Variants in ZFPM2 observed in about 807,000 individuals in gnomAD.
ZFPM2 encodes the protein zinc finger protein ZFPM2.
In ZFPM2, 20 loss-of-function variants were observed where a neutral mutation model predicts 98.6. The ratio of observed to expected loss-of-function variants is 0.20; its 90% CI spans 0.14 to 0.29. ZFPM2 has a LOEUF of 0.29. ZFPM2 is among the 10% of genes least tolerant of loss of function. ZFPM2 has a pLI of 1.00. For missense variants in ZFPM2, 1,310 were observed against 1,388.6 expected, an observed-to-expected ratio of 0.94 and a Z score of 0.90; for synonymous variants, 518 against 502.7, an observed-to-expected ratio of 1.03 and a Z score of -0.41.
intron 2 of ZFPM2, among the ~76,000 whole-genome samples, chr8:105,431,420 A>G (rs777127852): frequency 6.6e-6 from 1 of 152,228 alleles, no homozygotes; most frequent in Non-Finnish European, 1.5e-5. Flanking sequence ...GCGTTAGCTA[A>G]TCCAGTAAAT....
chr8:105,797,367 G>T (rs1287352687), intron 6 of ZFPM2: 1 of 152,146 alleles, frequency 6.6e-6, no homozygotes, highest in Non-Finnish European at 1.5e-5. Context: ...TTCCCTTAGA[G>T]TACTGCAGTT....
chr8:105,458,740 CA>C (rs1227895517), intron 3 of ZFPM2, among the ~76,000 whole-genome samples: 3 of 151,778 alleles, frequency 2.0e-5, no homozygotes, highest in Non-Finnish European at 4.4e-5. Context: ...AAAAGCAAGC[CA>C]AAAGAAAAGA....
chr8:105,527,598 T>C (rs959240151), intron 3 of ZFPM2, among the ~76,000 whole-genome samples: 2 of 152,222 alleles, frequency 1.3e-5, no homozygotes, highest in Non-Finnish European at 2.9e-5. Context: ...AATGCCCTTT[T>C]TGTAGGCTTT....
chr8:105,787,870 C>T (rs769550895), intron 5 of ZFPM2, among the ~76,000 whole-genome samples: 7 of 152,104 alleles, frequency 4.6e-5, no homozygotes, highest in South Asian at 2.1e-4. Flanking sequence ...GTTAAATAAA[C>T]GAGCATTCGC....
intron 5 of ZFPM2, among the ~76,000 whole-genome samples, chr8:105,763,932 A>G (rs1563553775): frequency 6.6e-6 from 1 of 151,880 alleles, no homozygotes; most frequent in Non-Finnish European, 1.5e-5. Context: ...GCAGCCAATT[A>G]GCATAGCAGA....
chr8:105,596,188 T>C (rs1385909072), intron 4 of ZFPM2, among the ~76,000 whole-genome samples: 1 of 152,078 alleles, frequency 6.6e-6, no homozygotes, highest in South Asian at 2.1e-4. Context: ...AAAATATGTT[T>C]GGCTCTCTGA....
intron 5 of ZFPM2, among the ~76,000 whole-genome samples, chr8:105,644,852 C>A (rs887664336): frequency 1.8e-4 from 28 of 152,130 alleles, no homozygotes; most frequent in Admixed American, 7.9e-4. Flanking sequence ...GAGAGCTCCA[C>A]CCTCATGACC....
At chr8:105,743,590 A>C (rs1812275361) in intron 5 of ZFPM2, among the ~76,000 whole-genome samples, 1 of 151,900 alleles carries the variant, frequency 6.6e-6, no homozygotes, top group Non-Finnish European at 1.5e-5. Context: ...CACATGAATC[A>C]CCCAGATCTC....
intron 5 of ZFPM2, among the ~76,000 whole-genome samples, chr8:105,743,051 A>G (rs1361222213): frequency 4.6e-5 from 7 of 152,236 alleles, no homozygotes; most frequent in Non-Finnish European, 7.4e-5. Flanking sequence ...GTATGGTAAT[A>G]TGATATTCAA....
chr8:105,517,783 A>C (rs769463733), intron 3 of ZFPM2, among the ~76,000 whole-genome samples: 5 of 150,422 alleles, frequency 3.3e-5, no homozygotes, highest in Non-Finnish European at 7.4e-5. Flanking sequence ...AATCTCAGCT[A>C]CTTAGGAGGC....
At chr8:105,557,463 G>A (rs937356417) in intron 3 of ZFPM2, among the ~76,000 whole-genome samples, 3 of 152,042 alleles carry the variant, frequency 2.0e-5, no homozygotes, top group Non-Finnish European at 2.9e-5. Context: ...GTGTTCTTCT[G>A]TCTCAACAGG....
intron 3 of ZFPM2, among the ~76,000 whole-genome samples, chr8:105,548,441 A>G (rs146089415): frequency 4.5e-4 from 69 of 152,270 alleles, no homozygotes; most frequent in Non-Finnish European, 4.4e-5. Flanking sequence ...AACTCTTACC[A>G]TCAGTTATGA....
At chr8:105,641,323 G>A (rs1187526440) in intron 5 of ZFPM2, among the ~76,000 whole-genome samples, 1 of 152,020 alleles carries the variant, frequency 6.6e-6, no homozygotes, top group Non-Finnish European at 1.5e-5. Flanking sequence ...TGATTGCAGA[G>A]CACCACAGGA....
intron 5 of ZFPM2, among the ~76,000 whole-genome samples, chr8:105,767,539 G>T (rs373144957): frequency 6.6e-6 from 1 of 151,790 alleles, no homozygotes; most frequent in Non-Finnish European, 1.5e-5. Context: ...AGATCAAGTT[G>T]CAGTAATTAA....
chr8:105,565,584 A>G (rs1241384820), intron 4 of ZFPM2, among the ~76,000 whole-genome samples: 2 of 152,174 alleles, frequency 1.3e-5, no homozygotes, highest in African/African-American at 2.4e-5. Flanking sequence ...TCCATAACAC[A>G]TGCTCCAGTC....
At chr8:105,611,270 C>T (rs1008888381) in intron 4 of ZFPM2, among the ~76,000 whole-genome samples, 1 of 152,082 alleles carries the variant, frequency 6.6e-6, no homozygotes, top group Non-Finnish European at 1.5e-5. Flanking sequence ...GACCATATCT[C>T]TTTAGATTTG....
chr8:105,693,316 G>C (rs1409233635), intron 5 of ZFPM2, among the ~76,000 whole-genome samples: 1 of 152,066 alleles, frequency 6.6e-6, no homozygotes, highest in Admixed American at 6.6e-5. Flanking sequence ...TCAAGTGTAC[G>C]TGCATTGGTG....
At chr8:105,541,702 G>A (rs1161411329) in intron 3 of ZFPM2, among the ~76,000 whole-genome samples, 1 of 152,078 alleles carries the variant, frequency 6.6e-6, no homozygotes, top group Non-Finnish European at 1.5e-5. Flanking sequence ...TGCCATTTTA[G>A]GAAATGTATA....
intron 2 of ZFPM2, among the ~76,000 whole-genome samples, chr8:105,421,271 T>C (rs745915271): frequency 3.3e-5 from 5 of 152,074 alleles, no homozygotes. Context: ...TGGAAAAATG[T>C]TTAATGTCAG....
Sources: gnomAD v4.1 joint callset for allele counts (sites outside exome capture counted in the v4.1 genomes callset) on GRCh38, gnomAD v4.1.1 for gene constraint, MANE v1.5 for transcripts, NCBI Gene and HGNC (gene_info 2026-07-23, HGNC 2026-07-21) for gene names.